DIAPH3: variants seen among roughly 807,000 people sequenced by gnomAD.
DIAPH3 encodes the protein diaphanous related formin 3.
A neutral mutation model predicts 144.3 loss-of-function variants in DIAPH3; 117 were observed. The ratio of observed to expected loss-of-function variants is 0.81; its 90% CI spans 0.70 to 0.95. The LOEUF is 0.95. DIAPH3 is among the 40% of genes least tolerant of loss of function. DIAPH3 has a pLI of 0.00. For missense variants in DIAPH3, 1,421 were observed against 1,412.7 expected, an observed-to-expected ratio of 1.01 and a Z score of -0.09; for synonymous variants, 519 against 488.9, an observed-to-expected ratio of 1.06 and a Z score of -0.81.
chr13:59,949,856 T>C (rs1159046946), intron 17 of DIAPH3, among the ~76,000 whole-genome samples: 2 of 152,160 alleles, frequency 1.3e-5, no homozygotes, highest in East Asian at 3.9e-4. Flanking sequence ...AATCATCCCA[T>C]GCTCTGCTTT....
Position 59,992,546 on chromosome 13 carries a change from G to C in DIAPH3, c.1052C>G (p.Ser351Cys). ...CMQLINALVTSPDDLDFRLHI... is the reference protein window; with the variant it reads ...CMQLINALVTCPDDLDFRLHI... ...AAGCCTGAAATCCAAATCATCAGGA[G>C]ATGTAACCAGGGCATTGATGAGCTG... Residue 351 changes from serine (S) to cysteine (C), a missense_variant, in exon 10 of 28, where the codon TCT (serine) becomes TGT (cysteine). Ser to Cys is a moderately radical substitution (Grantham distance 112). Transcript: ENST00000400324. 6.2e-7 allele frequency: 1 copy of C among 1,612,186 alleles called. No homozygotes were observed. Among genetic ancestry groups the C allele is most frequent in the Non-Finnish European group, 8.5e-7 (1 of 1,179,098 alleles).
intron 27 of DIAPH3, among the ~76,000 whole-genome samples, chr13:59,722,863 A>T (rs749834809): frequency 8.5e-5 from 13 of 152,132 alleles, no homozygotes; most frequent in Non-Finnish European, 1.3e-4. Flanking sequence ...TCAAAGCTTG[A>T]TCTAAATTGT....
chr13:60,041,003 G>A (rs1447854901), intron 5 of DIAPH3, among the ~76,000 whole-genome samples: 5 of 151,982 alleles, frequency 3.3e-5, no homozygotes, highest in African/African-American at 7.3e-5. Flanking sequence ...TAGTAGAGAC[G>A]GGGTTTCGCC....
chr13:60,107,724 T>C (rs748704275), intron 3 of DIAPH3, among the ~76,000 whole-genome samples: 6 of 152,202 alleles, frequency 3.9e-5, no homozygotes, highest in East Asian at 3.8e-4. Context: ...AGTAAAAGAA[T>C]AGAACATCAC....
At chr13:59,841,298 G>A (rs1236315322) in intron 22 of DIAPH3, among the ~76,000 whole-genome samples, 1 of 152,070 alleles carries the variant, frequency 6.6e-6, no homozygotes, top group South Asian at 2.1e-4. Context: ...CTAAATAAAG[G>A]TTCAAAAGCA....
chr13:59,756,394 T>A (rs141304945), intron 27 of DIAPH3, among the ~76,000 whole-genome samples: 1 of 140,156 alleles, frequency 7.1e-6, no homozygotes, highest in Non-Finnish European at 1.5e-5. Flanking sequence ...TAGATACATG[T>A]GGTAAATTTA....
At chr13:59,760,587 G>A (rs2037526992) in intron 27 of DIAPH3, among the ~76,000 whole-genome samples, 2 of 152,160 alleles carry the variant, frequency 1.3e-5, no homozygotes, top group Admixed American at 6.5e-5. Context: ...TGGTAAATGT[G>A]GACTTCGTTG....
chr13:60,105,323 C>T (rs1042148225), intron 3 of DIAPH3, among the ~76,000 whole-genome samples: 2 of 152,016 alleles, frequency 1.3e-5, no homozygotes, highest in South Asian at 2.1e-4. Context: ...CAAATAATTG[C>T]CTGCACAGCT....
chr13:59,947,704 G>C (rs765465220), intron 17 of DIAPH3, among the ~76,000 whole-genome samples: 1 of 151,456 alleles, frequency 6.6e-6, no homozygotes, highest in Non-Finnish European at 1.5e-5. Context: ...CTGCACTCCA[G>C]CCTGGGCAAC....
At chr13:59,740,548 A>T (rs2036392860) in intron 27 of DIAPH3, among the ~76,000 whole-genome samples, 1 of 152,226 alleles carries the variant, frequency 6.6e-6, no homozygotes, top group Non-Finnish European at 1.5e-5. Context: ...CCAAGCACGA[A>T]GTTCTTCTAC....
At chr13:59,788,873 T>C (rs1181253583) in intron 25 of DIAPH3, among the ~76,000 whole-genome samples, 2 of 152,154 alleles carry the variant, frequency 1.3e-5, no homozygotes, top group African/African-American at 2.4e-5. Flanking sequence ...TTCCACCACA[T>C]GGTGCTGAAA....
intron 22 of DIAPH3, among the ~76,000 whole-genome samples, chr13:59,854,880 C>G (rs1035412743): frequency 6.6e-6 from 1 of 152,122 alleles, no homozygotes; most frequent in Non-Finnish European, 1.5e-5. Flanking sequence ...AGCCTGTTAA[C>G]CTCCAAAAAG....
chr13:59,883,303 A>T (rs1356352914), intron 20 of DIAPH3, among the ~76,000 whole-genome samples: 1 of 152,178 alleles, frequency 6.6e-6, no homozygotes, highest in Non-Finnish European at 1.5e-5. Flanking sequence ...AAGGAAAAAA[A>T]TCATTTTTTA....
intron 4 of DIAPH3, among the ~76,000 whole-genome samples, chr13:60,089,602 C>T (rs886742647): frequency 6.6e-6 from 1 of 152,152 alleles, no homozygotes; most frequent in African/African-American, 2.4e-5. Flanking sequence ...TTTGGCCTAT[C>T]ACATCACATC....
intron 4 of DIAPH3, chr13:60,044,130 T>C (rs1207420336): frequency 6.6e-6 from 1 of 152,162 alleles, no homozygotes; most frequent in Non-Finnish European, 1.5e-5. Context: ...CTATATAGCC[T>C]AGATAGGAAA....
At chr13:59,680,665 G>A (rs1194051545) in intron 27 of DIAPH3, among the ~76,000 whole-genome samples, 1 of 151,458 alleles carries the variant, frequency 6.6e-6, no homozygotes, top group Non-Finnish European at 1.5e-5. Flanking sequence ...AATTTGATGG[G>A]GCATTATAGT....
chr13:59,838,155 T>C (rs896941866), intron 23 of DIAPH3: 6 of 152,136 alleles, frequency 3.9e-5, no homozygotes, highest in African/African-American at 1.2e-4. Context: ...TCATACAGAA[T>C]TCATTTGTCC....
Position 59,879,240 on chromosome 13 carries a change from A to G in DIAPH3, c.2596T>C (p.Ser866Pro). Residue 866 changes from serine to proline, a missense_variant, in exon 21 of 28, where the codon TCT becomes CCT. Coordinates refer to ENST00000400324, the MANE Select transcript of DIAPH3 (RefSeq NM_001042517.2). The part of the protein sequence containing the change: ...NAQTFGFNLS[S>P]LCKLKDTKSA... ...AAAAACAAACTCACTTTACAGAGAG[A>G]GCTAAGGTTAAATCCGAAGGTTTGA... is the stretch of plus-strand genomic sequence containing the variant. The G allele has an allele frequency of 6.2e-7, 1 of 1,613,740 alleles. No individual in the cohort carries two copies.
intron 25 of DIAPH3, among the ~76,000 whole-genome samples, chr13:59,808,765 G>A (rs2040317889): frequency 6.6e-6 from 1 of 152,002 alleles, no homozygotes; most frequent in Non-Finnish European, 1.5e-5. Context: ...ACATTCAAAA[G>A]TTCAGCAACA....
Sources: allele counts gnomAD v4.1 joint callset (sites outside exome capture counted in the v4.1 genomes callset), GRCh38; gene constraint gnomAD v4.1.1; transcripts MANE v1.5; gene names NCBI Gene and HGNC (gene_info 2026-07-23, HGNC 2026-07-21).